BAHCC1: variants seen among roughly 807,000 people sequenced by gnomAD.
The protein encoded by BAHCC1 is BAH domain and coiled-coil containing 1.
In BAHCC1, 43 loss-of-function variants were observed where a neutral mutation model predicts 88.2. The ratio of observed to expected loss-of-function variants is 0.49; its 90% CI spans 0.38 to 0.63. BAHCC1 has a LOEUF of 0.63. BAHCC1 is among the 20% of genes least tolerant of loss of function. The probability of loss-of-function intolerance (pLI) is 0.00; values close to 1 mark genes in which losing one functional copy is unlikely to be tolerated. For missense variants in BAHCC1, 3,023 were observed against 1,654.8 expected (o/e 1.83, Z -14.34); for synonymous variants, 1,510 against 745.5 (o/e 2.03, Z -16.71).
rs2030708088 is a variant in BAHCC1, at chr17:81,466,268, T to C, written c.*2451T>C. 1 of 152,508 alleles carries C rather than the reference T, an allele frequency of 6.6e-6. No individual in the cohort carries two copies. The highest frequency in any genetic ancestry group is 1.5e-5 in the Non-Finnish European group (1 of 67,992). 9.4% of individuals were successfully genotyped at this position (152,508 alleles called of 1,614,324 possible). The stretch of plus-strand genomic sequence containing the variant: ...GAACAGCAGACTCTATGTAAAGGCA[T>C]TTTAGTATCAAATTTTTTATTGATA... On this transcript the variant is annotated 3_prime_UTR_variant, in exon 28 of 28. Coordinates refer to ENST00000675386, the MANE Select transcript of BAHCC1 (RefSeq NM_001377448.1).
intron 2 of BAHCC1, among the ~76,000 whole-genome samples, chr17:81,418,796 C>CGCGCATGTGT (rs1555649116): frequency 6.9e-6 from 1 of 144,800 alleles, no homozygotes; most frequent in Non-Finnish European, 1.5e-5. Flanking sequence ...TACGTGTGTG[C>CGCGCATGTGT]GTGTGTGTGT....
chr17:81,401,835 A>T (rs1193706063), intron 2 of BAHCC1: 1 of 150,512 alleles, frequency 6.6e-6, no homozygotes, highest in Admixed American at 6.6e-5. Context: ...ACTCTCCCTG[A>T]CCCCATGCCC....
chr17:81,428,522 C>T lies in BAHCC1; in HGVS notation c.358+1543C>T, dbSNP rs942020220. On this transcript the variant is annotated intron_variant, in intron 3 of 27. Coordinates refer to ENST00000675386, the MANE Select transcript of BAHCC1 (RefSeq NM_001377448.1). Reference sequence around the variant, plus strand: ...GCAGTGGTGGCCCCTAGTCAGGGCCCAGAAGTGGCACCAGCCCATCCCCAA... The same window carrying T: ...GCAGTGGTGGCCCCTAGTCAGGGCCTAGAAGTGGCACCAGCCCATCCCCAA... Among the ~76,000 whole-genome samples the T allele has an allele frequency of 3.1e-3, 477 of 152,320 alleles. 3 individuals carry two copies. The highest frequency in any genetic ancestry group is 0.011 in the African/African-American group (458 of 41,566).
At chr17:81,405,004 T>C (rs2063861733) in intron 2 of BAHCC1, among the ~76,000 whole-genome samples, 1 of 152,208 alleles carries the variant, frequency 6.6e-6, no homozygotes, top group Non-Finnish European at 1.5e-5. Flanking sequence ...AAAGCCACTG[T>C]GGATATGATC....
intron 2 of BAHCC1, among the ~76,000 whole-genome samples, chr17:81,403,950 T>C (rs1009020442): frequency 1.1e-4 from 17 of 152,364 alleles, no homozygotes; most frequent in Admixed American, 4.6e-4. Flanking sequence ...GCCGCCGCGC[T>C]TTCTGTAGGA....
chr17:81,418,799 G>GTGTGTGTGCGCGCA (rs1555649133), intron 2 of BAHCC1, among the ~76,000 whole-genome samples: 1 of 67,214 alleles, frequency 1.5e-5, no homozygotes, highest in African/African-American at 5.8e-5. Context: ...GTGTGTGCGT[G>GTGTGTGTGCGCGCA]TGTGTGTGTA....
At chr17:81,408,793 C>T (rs2063912358) in intron 2 of BAHCC1, among the ~76,000 whole-genome samples, 1 of 152,198 alleles carries the variant, frequency 6.6e-6, no homozygotes, top group East Asian at 1.9e-4. Context: ...TTGTTTGGGG[C>T]CAGTGCCTTT....
intron 11 of BAHCC1, among the ~76,000 whole-genome samples, chr17:81,449,270 T>TC (rs1237154894): frequency 2.0e-5 from 3 of 151,812 alleles, no homozygotes; most frequent in Admixed American, 6.6e-5. Flanking sequence ...CACCTCATGG[T>TC]CCCCCCCTGG....
rs372788584 is a variant in BAHCC1, at chr17:81,416,212, GTGTA to G, written c.179-10584_179-10581del. Among the ~76,000 whole-genome samples the G allele has an allele frequency of 3.0e-3, 451 of 149,210 alleles. 2 individuals are homozygous for G. Among genetic ancestry groups the G allele is most frequent in the African/African-American group, 0.011 (434 of 40,074 alleles). On this transcript the variant is annotated intron_variant, in intron 2 of 27. Transcript: ENST00000675386. ...AGGGTGGGTGTATGCGCGTGTGTAC[GTGTA>G]TGTGTGTCCATGAGGGTGGGTGTAT... is the stretch of plus-strand genomic sequence containing the variant.
At chr17:81,425,529 G>C in intron 2 of BAHCC1, among the ~76,000 whole-genome samples, 1 of 128,694 alleles carries the variant, frequency 7.8e-6, no homozygotes, top group East Asian at 2.7e-4. Context: ...TGGGTGATGT[G>C]GTTGGTGTGA....
Position 81,402,483 on chromosome 17 carries a change from C to T in BAHCC1, c.178+2566C>T, listed in dbSNP as rs139719705. 846 of 152,308 alleles carry T rather than the reference C, an allele frequency of 5.6e-3. 7 individuals are homozygous for T. The highest frequency in any genetic ancestry group is 6.5e-3 in the Non-Finnish European group (439 of 68,046). 9.4% of individuals were successfully genotyped at this position (152,308 alleles called of 1,614,324 possible). Reference sequence around the variant, plus strand: ...AAACAATTTTTTTGCGTCTTGTGTGCGGACTTCCACATGGCTGGTTTGGCT... The same window carrying T: ...AAACAATTTTTTTGCGTCTTGTGTGTGGACTTCCACATGGCTGGTTTGGCT... On this transcript the variant is annotated intron_variant, in intron 2 of 27. Coordinates refer to ENST00000675386, the MANE Select transcript of BAHCC1 (RefSeq NM_001377448.1).
Position 81,443,453 on chromosome 17 carries a change from C to T in BAHCC1, c.2104C>T (p.Pro702Ser), listed in dbSNP as rs1555653333. The T allele has an allele frequency of 2.7e-6, 2 of 738,966 alleles. No homozygotes were observed. Among genetic ancestry groups the T allele is most frequent in the Non-Finnish European group, 5.0e-6 (2 of 398,074 alleles). The allele number at this position is 738,966 out of a possible 1,614,324, so 45.8% of individuals were successfully genotyped here. A position where few individuals can be genotyped will look rare whatever the true frequency, so the allele number is the denominator to read the frequency against. Residue 702 changes from proline (P) to serine (S), a missense_variant, in exon 5 of 28, where the codon CCT becomes TCT. By Grantham distance (74) the Pro-to-Ser change is moderately conservative (BLOSUM62 -1). Transcript: ENST00000675386. The part of the protein sequence containing the change: ...THGDGEVRQP[P>S]VGIAVALARQ... ...CGGCGACGGGGAGGTGCGGCAGCCC[C>T]CTGTGGGCATTGCAGTGGCCTTGGC...
intron 2 of BAHCC1, chr17:81,415,598 C>T: frequency 2.0e-6 from 1 of 507,580 alleles, no homozygotes; most frequent in South Asian, 1.4e-5. Context: ...GATACTACAG[C>T]CTGAGCCAAC....
intron 2 of BAHCC1, chr17:81,410,046 C>T (rs931757571): frequency 8.6e-6 from 3 of 348,976 alleles, no homozygotes; most frequent in East Asian, 2.3e-4. Flanking sequence ...TGAGTCTAGG[C>T]CTCCTACCTC....
intron 6 of BAHCC1, 126 bp from the exon 7 acceptor site, chr17:81,444,255 G>C (rs1387363076): frequency 3.2e-6 from 2 of 629,028 alleles, no homozygotes; most frequent in African/African-American, 3.6e-5. Context: ...GGTGGGACAG[G>C]GAGTCAGGCA....
chr17:81,449,598 C>T (rs2064595581), intron 11 of BAHCC1, among the ~76,000 whole-genome samples: 2 of 152,110 alleles, frequency 1.3e-5, no homozygotes, highest in Admixed American at 1.3e-4. Flanking sequence ...GCAGTGACCC[C>T]AGGAGACCTG....
intron 2 of BAHCC1, chr17:81,401,864 G>C (rs1303759067): frequency 6.6e-6 from 1 of 152,432 alleles, no homozygotes; most frequent in Non-Finnish European, 1.5e-5. Flanking sequence ...ATCCTGGCCA[G>C]GTCCAGGCCA....
intron 7 of BAHCC1, 30 bp from the exon 8 acceptor site, chr17:81,444,638 G>A: frequency 1.3e-6 from 1 of 766,904 alleles, no homozygotes; most frequent in South Asian, 1.3e-5. Context: ...GAGAGTGCGA[G>A]GCCTGACCAC....
At chr17:81,457,334 C>T (rs2064767897) in intron 16 of BAHCC1, 76 bp from the exon 17 acceptor site, 1 of 696,544 alleles carries the variant, frequency 1.4e-6, no homozygotes, top group Non-Finnish European at 2.7e-6. Flanking sequence ...ACCGCATGCC[C>T]AGAGGGTCAC....
Sources: gnomAD v4.1 joint callset for allele counts (sites outside exome capture counted in the v4.1 genomes callset) on GRCh38, gnomAD v4.1.1 for gene constraint, MANE v1.5 for transcripts, NCBI Gene and HGNC (gene_info 2026-07-23, HGNC 2026-07-21) for gene names.